RCBTB1: variants seen among roughly 807,000 people sequenced by gnomAD.
RCBTB1 encodes the protein RCC1 and BTB domain-containing protein 1.
A neutral mutation model predicts 62.4 loss-of-function variants in RCBTB1; 46 were observed. That is an observed-to-expected ratio of 0.74 (90% confidence interval 0.58 to 0.94). The LOEUF (loss-of-function observed/expected upper bound fraction) is 0.94, where lower values mean the gene tolerates loss of function less well. Among genes scored for constraint, RCBTB1 ranks in the 40% least tolerant of loss-of-function variants. RCBTB1 has a pLI of 0.00. For synonymous variants in RCBTB1, 222 were observed against 245.8 expected (o/e 0.90, Z 0.91); for missense variants, 565 against 654.9 (o/e 0.86, Z 1.50).
At chr13:49,558,329 C>T (rs1438519682) in intron 5 of RCBTB1, among the ~76,000 whole-genome samples, 1 of 152,032 alleles carries the variant, frequency 6.6e-6, no homozygotes, top group East Asian at 1.9e-4. Context: ...CACATGCAAC[C>T]CTGAACTGGA....
intron 1 of RCBTB1, among the ~76,000 whole-genome samples, chr13:49,581,784 G>A (rs186360992): frequency 2.0e-4 from 31 of 152,308 alleles, no homozygotes; most frequent in Admixed American, 1.7e-3. Flanking sequence ...TGCTAGTGTC[G>A]AATGCTGCTG....
At chr13:49,540,477 C>T (rs1440666232) in intron 12 of RCBTB1, among the ~76,000 whole-genome samples, 1 of 152,142 alleles carries the variant, frequency 6.6e-6, no homozygotes, top group Non-Finnish European at 1.5e-5. Flanking sequence ...AGATACAAAT[C>T]ATACACATCC....
rs1482861335 is a variant in RCBTB1 at position 49,533,965 on chromosome 13, CTTG to C, written c.*154_*156del. The C allele has an allele frequency of 1.5e-6, 1 of 670,844 alleles. No homozygotes were observed. The highest frequency in any genetic ancestry group is 2.5e-6 in the Non-Finnish European group (1 of 406,902). 41.6% of individuals were successfully genotyped at this position (670,844 alleles called of 1,614,324 possible). The stretch of plus-strand genomic sequence containing the variant: ...ATGGGCTCAAGAAAAGCCGTACACC[CTTG>C]TTATGTTCCTACACAAACAACTGTG... On this transcript the variant is annotated 3_prime_UTR_variant, in exon 13 of 13. Transcript: ENST00000378302.
At chr13:49,549,719 T>C in intron 8 of RCBTB1, 71 bp from the exon 9 acceptor site, 1 of 1,508,084 alleles carries the variant, frequency 6.6e-7, no homozygotes, top group Non-Finnish European at 8.9e-7. Context: ...CACAAGGCAA[T>C]TTAAAAGTTC....
intron 4 of RCBTB1, among the ~76,000 whole-genome samples, 154 bp from the exon 5 acceptor site, chr13:49,560,238 G>A (rs1463012247): frequency 6.6e-6 from 1 of 152,230 alleles, no homozygotes; most frequent in Non-Finnish European, 1.5e-5. Context: ...GAGTAAAGGA[G>A]AGAGAGATGG....
At chr13:49,546,225 C>T (rs1960774547) in intron 9 of RCBTB1, 1 of 985,340 alleles carries the variant, frequency 1.0e-6, no homozygotes, top group African/African-American at 1.7e-5. Context: ...CTCTTTGCTC[C>T]TGGCAACAAG....
intron 4 of RCBTB1, among the ~76,000 whole-genome samples, chr13:49,560,875 G>C (rs1365001968): frequency 6.6e-6 from 1 of 152,174 alleles, no homozygotes; most frequent in Non-Finnish European, 1.5e-5. Context: ...AAATGGGGGA[G>C]ACACACAGGG....
At chr13:49,547,269 C>G in intron 9 of RCBTB1, 2 of 1,004,280 alleles carry the variant, frequency 2.0e-6, no homozygotes, top group Non-Finnish European at 2.7e-6. Context: ...GCAAGCTTAA[C>G]TCTTCCTAAG....
chr13:49,569,256 G>A (rs1468360374), intron 2 of RCBTB1, among the ~76,000 whole-genome samples: 2 of 152,142 alleles, frequency 1.3e-5, no homozygotes, highest in Non-Finnish European at 2.9e-5. Context: ...TGTATGGTAA[G>A]ATGATCTTAA....
At chr13:49,576,031 G>C (rs1012677567) in intron 2 of RCBTB1, among the ~76,000 whole-genome samples, 2 of 151,600 alleles carry the variant, frequency 1.3e-5, no homozygotes, top group African/African-American at 4.8e-5. Flanking sequence ...CTAAAAATAC[G>C]AAAAAATTAG....
intron 9 of RCBTB1, chr13:49,546,419 G>A: frequency 2.2e-6 from 2 of 917,308 alleles, no homozygotes; most frequent in Non-Finnish European, 2.6e-6. Context: ...CCAGGGACCA[G>A]TTTTGTGGAA....
intron 9 of RCBTB1, chr13:49,547,175 C>CA (rs3039280): frequency 0.2 from 200,477 of 981,538 alleles, 277 homozygotes; most frequent in South Asian, 0.24. Context: ...ATACTCACTG[C>CA]AAAAAAAAAA....
chr13:49,553,579 G>A (rs181972002), intron 6 of RCBTB1, among the ~76,000 whole-genome samples: 2 of 152,272 alleles, frequency 1.3e-5, no homozygotes, highest in African/African-American at 4.8e-5. Flanking sequence ...GTTCCAAATA[G>A]CCATAGGAAA....
At chr13:49,575,179 A>G (rs113939381) in intron 2 of RCBTB1, among the ~76,000 whole-genome samples, 141 of 152,320 alleles carry the variant, frequency 9.3e-4, no homozygotes, top group African/African-American at 3.2e-3. Context: ...ATCATCAGAG[A>G]AATCCAAATC....
chr13:49,562,772 C>T (rs1367555654), intron 4 of RCBTB1, among the ~76,000 whole-genome samples: 3 of 104,238 alleles, frequency 2.9e-5, no homozygotes, highest in Non-Finnish European at 5.2e-5. Flanking sequence ...GCCACCATCC[C>T]CGGCTTTTTT....
chr13:49,545,208 G>A (rs1960699780), intron 9 of RCBTB1, among the ~76,000 whole-genome samples: 1 of 152,060 alleles, frequency 6.6e-6, no homozygotes, highest in Non-Finnish European at 1.5e-5. Flanking sequence ...CTAAGACTAA[G>A]AATTTGTTTC....
At chr13:49,560,446 T>C (rs1445110377) in intron 4 of RCBTB1, among the ~76,000 whole-genome samples, 1 of 152,198 alleles carries the variant, frequency 6.6e-6, no homozygotes, top group Non-Finnish European at 1.5e-5. Context: ...TGTTAATGTT[T>C]ACCATTGCTT....
chr13:49,577,512 T>C (rs150698684), intron 2 of RCBTB1, among the ~76,000 whole-genome samples: 2 of 98,374 alleles, frequency 2.0e-5, no homozygotes, highest in African/African-American at 8.5e-5. Context: ...AATGTATTTG[T>C]TTGGGCTAGT....
At position 49,534,051 on chromosome 13, in the gene RCBTB1, G is replaced by T; in HGVS notation, c.*71C>A. 1 of 1,501,598 alleles carries T rather than the reference G, an allele frequency of 6.7e-7. No homozygotes were observed. 93.0% of individuals were successfully genotyped at this position (1,501,598 alleles called of 1,614,324 possible). A position where few individuals can be genotyped will look rare whatever the true frequency, so the allele number is the denominator to read the frequency against. ...TTTTACCTGCAGAATCACATCACCC[G>T]TAGAGCACAAACTGGACACATCCTC... is the stretch of plus-strand genomic sequence containing the variant. On this transcript the variant is annotated 3_prime_UTR_variant, in exon 13 of 13. Coordinates refer to ENST00000378302, the MANE Select transcript of RCBTB1 (RefSeq NM_018191.4).
Sources: gnomAD v4.1 joint callset for allele counts (sites outside exome capture counted in the v4.1 genomes callset) on GRCh38, gnomAD v4.1.1 for gene constraint, MANE v1.5 for transcripts, NCBI Gene and HGNC (gene_info 2026-07-23, HGNC 2026-07-21) for gene names.